Variants in HS3ST5 observed in about 807,000 individuals in gnomAD.
HS3ST5 encodes heparan sulfate-glucosamine 3-sulfotransferase 5.
HS3ST5 carries 10 observed loss-of-function variants against 25.4 expected under a neutral mutation model. The ratio of observed to expected loss-of-function variants is 0.39; its 90% CI spans 0.24 to 0.67. HS3ST5 has a LOEUF of 0.67. HS3ST5 is among the 30% of genes least tolerant of loss of function. The probability of loss-of-function intolerance (pLI) is 0.44; values close to 1 mark genes in which losing one functional copy is unlikely to be tolerated. For missense variants in HS3ST5, 324 were observed against 420.7 expected, an observed-to-expected ratio of 0.77 and a Z score of 2.01; for synonymous variants, 170 against 162.4, an observed-to-expected ratio of 1.05 and a Z score of -0.36.
Position 114,058,174 on chromosome 6 carries a change from G to A in HS3ST5, c.124C>T (p.Pro42Ser), listed in dbSNP as rs1165605209. The A allele has an allele frequency of 1.9e-6, 3 of 1,605,420 alleles. No individual in the cohort carries two copies. Among genetic ancestry groups the A allele is most frequent in the Non-Finnish European group, 2.6e-6 (3 of 1,173,698 alleles). The change falls in exon 5 of 5, where the codon CCC becomes TCC. Residue 42 changes from proline (P) to serine (S), a missense_variant. Coordinates refer to ENST00000312719, the MANE Select transcript of HS3ST5 (RefSeq NM_153612.4). ...GSLDRLQPIC[P>S]IEGRLGGART... ...GCTCCACCCAGTCGACCTTCAATGG[G>A]GCAAATGGGTTGTAGCCTGCAAGCA...
At chr6:114,287,443 A>C (rs1477255178) in intron 1 of HS3ST5, among the ~76,000 whole-genome samples, 2 of 152,078 alleles carry the variant, frequency 1.3e-5, no homozygotes, top group Non-Finnish European at 2.9e-5. Context: ...TGCTGGAGAC[A>C]TAACCACAAC....
chr6:114,226,342 C>T (rs1050864838), intron 2 of HS3ST5, among the ~76,000 whole-genome samples: 14 of 151,872 alleles, frequency 9.2e-5, no homozygotes, highest in South Asian at 4.1e-4. Flanking sequence ...AAAATTATTT[C>T]GATCTAATTG....
intron 3 of HS3ST5, among the ~76,000 whole-genome samples, chr6:114,068,198 T>C (rs1773579414): frequency 6.6e-6 from 1 of 152,092 alleles, no homozygotes; most frequent in Admixed American, 6.6e-5. Context: ...ATTTTTTTGT[T>C]CAAAGCAAGA....
chr6:114,243,974 G>A (rs748329619), intron 1 of HS3ST5, among the ~76,000 whole-genome samples: 15 of 152,218 alleles, frequency 9.9e-5, no homozygotes, highest in Non-Finnish European at 2.1e-4. Context: ...ATTATAGGTA[G>A]AATAGTAGAG....
chr6:114,302,590 G>T (rs536323191), intron 1 of HS3ST5, among the ~76,000 whole-genome samples: 6 of 152,076 alleles, frequency 3.9e-5, no homozygotes, highest in Non-Finnish European at 7.4e-5. Context: ...GCAGAGATGC[G>T]GGGTACAATT....
intron 1 of HS3ST5, among the ~76,000 whole-genome samples, chr6:114,298,992 G>T (rs188352159): frequency 4.6e-5 from 7 of 152,308 alleles, no homozygotes; most frequent in African/African-American, 7.2e-5. Context: ...TAACAGCAAT[G>T]TTCAGGGAAC....
chr6:114,206,534 T>C (rs1008518161), intron 2 of HS3ST5, among the ~76,000 whole-genome samples: 26 of 152,166 alleles, frequency 1.7e-4, no homozygotes, highest in Admixed American at 1.4e-3. Context: ...TGGCCCCAGA[T>C]TGGCCACTTA....
intron 3 of HS3ST5, among the ~76,000 whole-genome samples, chr6:114,067,839 G>C (rs1247769747): frequency 6.6e-6 from 1 of 152,160 alleles, no homozygotes; most frequent in Non-Finnish European, 1.5e-5. Flanking sequence ...AAGACAACTG[G>C]ATTGGGAGTC....
intron 1 of HS3ST5, among the ~76,000 whole-genome samples, chr6:114,284,551 G>A (rs1371555657): frequency 6.6e-6 from 1 of 151,828 alleles, no homozygotes; most frequent in Non-Finnish European, 1.5e-5. Context: ...ACAACCCAAG[G>A]GGAATGGAAT....
At chr6:114,081,542 A>G (rs536920567) in intron 3 of HS3ST5, among the ~76,000 whole-genome samples, 82 of 152,338 alleles carry the variant, frequency 5.4e-4, no homozygotes, top group Non-Finnish European at 9.0e-4. Context: ...TGGATGGAGC[A>G]ACGGTTCCTC....
intron 3 of HS3ST5, among the ~76,000 whole-genome samples, chr6:114,075,822 C>T (rs1774091238): frequency 6.6e-6 from 1 of 152,188 alleles, no homozygotes; most frequent in Non-Finnish European, 1.5e-5. Context: ...GGGATTTTCA[C>T]TCCCTTTTAT....
chr6:114,265,875 A>ATC (rs1773384143), intron 1 of HS3ST5, among the ~76,000 whole-genome samples: 1 of 151,892 alleles, frequency 6.6e-6, no homozygotes, highest in African/African-American at 2.4e-5. Context: ...TCAGCACCCT[A>ATC]TCTCTGGTTC....
intron 3 of HS3ST5, among the ~76,000 whole-genome samples, chr6:114,083,018 C>G (rs543487478): frequency 1.2e-4 from 18 of 152,350 alleles, no homozygotes; most frequent in African/African-American, 3.1e-4. Flanking sequence ...TATAGAAGTA[C>G]ATTGCCTTGC....
chr6:114,226,359 A>G (rs1199178703), intron 2 of HS3ST5, among the ~76,000 whole-genome samples: 5 of 151,954 alleles, frequency 3.3e-5, no homozygotes, highest in African/African-American at 1.2e-4. Context: ...ATTGGACACA[A>G]ATTATTTTAA....
intron 3 of HS3ST5, among the ~76,000 whole-genome samples, chr6:114,105,130 T>C (rs971287580): frequency 6.6e-6 from 1 of 152,166 alleles, no homozygotes; most frequent in Non-Finnish European, 1.5e-5. Context: ...TAATTATGAA[T>C]GAACACTTTT....
intron 2 of HS3ST5, among the ~76,000 whole-genome samples, chr6:114,187,263 T>G (rs1288338082): frequency 6.6e-6 from 1 of 152,242 alleles, no homozygotes; most frequent in Non-Finnish European, 1.5e-5. Context: ...CTCTGATGAA[T>G]CTGGGCAAAA....
intron 1 of HS3ST5, among the ~76,000 whole-genome samples, chr6:114,285,347 T>C (rs527829369): frequency 6.6e-6 from 1 of 152,038 alleles, no homozygotes; most frequent in Admixed American, 6.6e-5. Flanking sequence ...GGCAGTAAGC[T>C]TGCTACCTGG....
At chr6:114,320,088 C>A (rs940528096) in intron 1 of HS3ST5, among the ~76,000 whole-genome samples, 2 of 151,972 alleles carry the variant, frequency 1.3e-5, no homozygotes, top group Admixed American at 1.3e-4. Context: ...CTAGAAAAAT[C>A]TTAGAAATAT....
At chr6:114,185,738 T>C (rs1229830666) in intron 2 of HS3ST5, among the ~76,000 whole-genome samples, 1 of 151,336 alleles carries the variant, frequency 6.6e-6, no homozygotes, top group Non-Finnish European at 1.5e-5. Flanking sequence ...TTTTTCTTTC[T>C]TTCTTTTTTT....
Sources: allele counts gnomAD v4.1 joint callset (sites outside exome capture counted in the v4.1 genomes callset), GRCh38; gene constraint gnomAD v4.1.1; transcripts MANE v1.5; gene names NCBI Gene and HGNC (gene_info 2026-07-23, HGNC 2026-07-21).